Variants in CELSR1 observed in about 807,000 individuals in gnomAD.
The protein encoded by CELSR1 is cadherin EGF LAG seven-pass G-type receptor 1.
CELSR1 carries 110 observed loss-of-function variants against 249.1 expected under a neutral mutation model. That is an observed-to-expected ratio of 0.44 (90% confidence interval 0.38 to 0.52). CELSR1 has a LOEUF of 0.52. CELSR1 is among the 20% of genes least tolerant of loss of function. The probability of loss-of-function intolerance (pLI) is 0.00; values close to 1 mark genes in which losing one functional copy is unlikely to be tolerated. For missense variants in CELSR1, 4,109 were observed against 4,296.4 expected, an observed-to-expected ratio of 0.96 and a Z score of 1.22; for synonymous variants, 2,113 against 1,900.0, an observed-to-expected ratio of 1.11 and a Z score of -2.92.
chr22:46,489,294 G>C (rs2080345406), intron 1 of CELSR1, among the ~76,000 whole-genome samples: 1 of 151,866 alleles, frequency 6.6e-6, no homozygotes. Context: ...GTGGGGCAGG[G>C]AGATGCCATG....
At chr22:46,379,543 G>A (rs182247228) in intron 22 of CELSR1, among the ~76,000 whole-genome samples, 87 of 152,350 alleles carry the variant, frequency 5.7e-4, no homozygotes, top group Non-Finnish European at 8.8e-4. Context: ...GACGTCCGTC[G>A]TGGTGGAATG....
At chr22:46,501,099 T>C (rs2080461814) in intron 1 of CELSR1, among the ~76,000 whole-genome samples, 1 of 151,950 alleles carries the variant, frequency 6.6e-6, no homozygotes, top group Admixed American at 6.6e-5. Context: ...AATGGCATGA[T>C]CTCAGCTCAC....
At chr22:46,531,624 A>G (rs1375785067) in intron 1 of CELSR1, among the ~76,000 whole-genome samples, 1 of 152,174 alleles carries the variant, frequency 6.6e-6, no homozygotes, top group Non-Finnish European at 1.5e-5. Flanking sequence ...CTTTCTGCGG[A>G]TCGTGGTTTA....
rs2079549710 is a variant in CELSR1 at position 46,427,542 on chromosome 22, T to G, written c.4611+5851A>C. On this transcript the variant is annotated intron_variant, in intron 5 of 34. Coordinates refer to ENST00000674500, the MANE Select transcript of CELSR1 (RefSeq NM_001378328.1). This position sits in a 1 kb window ranked among gnomAD's most constrained non-coding sequence, Gnocchi z 4.2. ...GCGGGACTCCATCTCAAAAATAAAA[T>G]AAATAAAATACACCCTACAACTATG... Among the ~76,000 whole-genome samples, 1 of 151,984 alleles carries G rather than the reference T, an allele frequency of 6.6e-6. No homozygotes were observed. Among genetic ancestry groups the G allele is most frequent in the Non-Finnish European group, 1.5e-5 (1 of 68,002 alleles).
Position 46,519,872 on chromosome 22 carries a change from CT to C in CELSR1, c.3544+13754del, listed in dbSNP as rs369906485. On this transcript the variant is annotated intron_variant, in intron 1 of 34. Coordinates refer to ENST00000674500, the MANE Select transcript of CELSR1 (RefSeq NM_001378328.1). ...TATAGTTCAGTACCTACCCCTATTG[CT>C]TTTTTTTTTTTTTTTCTGAGACAGA... is the stretch of plus-strand genomic sequence containing the variant. Among the ~76,000 whole-genome samples the C allele has an allele frequency of 8.5e-3, 1,177 of 138,780 alleles. 6 individuals are homozygous for C. Among genetic ancestry groups the C allele is most frequent in the Non-Finnish European group, 0.013 (830 of 64,360 alleles). 91.0% of individuals were successfully genotyped at this position (138,780 alleles called of 152,430 possible). A position where few individuals can be genotyped will look rare whatever the true frequency, so the allele number is the denominator to read the frequency against.
rs575365955 is a variant in CELSR1, at chr22:46,436,697, G to C, written c.4407-408C>G. ...GGGACCTGGTACCTTCCCAGGCAGG[G>C]ATGATGCTATGGAAGGACCATTCTT... On this transcript the variant is annotated intron_variant, in intron 3 of 34. Coordinates refer to ENST00000674500, the MANE Select transcript of CELSR1 (RefSeq NM_001378328.1). This position sits in a 1 kb window ranked among gnomAD's most constrained non-coding sequence, Gnocchi z 5.9. Among the ~76,000 whole-genome samples the C allele has an allele frequency of 1.8e-4, 28 of 152,200 alleles. No individual in the cohort carries two copies. The highest frequency in any genetic ancestry group is 6.7e-4 in the African/African-American group (28 of 41,510).
intron 1 of CELSR1, among the ~76,000 whole-genome samples, chr22:46,465,688 T>C (rs1387151737): frequency 6.6e-6 from 1 of 152,228 alleles, no homozygotes; most frequent in African/African-American, 2.4e-5. Context: ...GGGAGGGACC[T>C]GGAGTCAGGT....
intron 1 of CELSR1, among the ~76,000 whole-genome samples, chr22:46,497,236 ATTAT>A (rs897064522): frequency 1.3e-5 from 2 of 152,242 alleles, no homozygotes; most frequent in Admixed American, 6.5e-5. Context: ...GAAAGCACTT[ATTAT>A]TTAATCATTT....
rs973064496 is a variant in CELSR1 at position 46,393,378 on chromosome 22, C to T, written c.5964+764G>A. ...CTGACCGCCCTGGACAGGCGTGGGG[C>T]ATAACGCACTTAGTGACACTTTCTA... is the stretch of plus-strand genomic sequence containing the variant. On this transcript the variant is annotated intron_variant, in intron 14 of 34. Coordinates refer to ENST00000674500, the MANE Select transcript of CELSR1 (RefSeq NM_001378328.1). The surrounding 1 kb of genome is among the most constrained non-coding windows in gnomAD (Gnocchi z 4.1). 1.3e-5 allele frequency among the ~76,000 whole-genome samples: 2 copies of T among 152,226 alleles called. No homozygotes were observed. Among genetic ancestry groups the T allele is most frequent in the Non-Finnish European group, 2.9e-5 (2 of 68,034 alleles).
Position 46,390,246 on chromosome 22 carries a change from G to A in CELSR1, c.6345+146C>T, listed in dbSNP as rs2079074610. 1.6e-6 allele frequency: 1 copy of A among 608,644 alleles called. No homozygotes were observed. The highest frequency in any genetic ancestry group is 4.5e-4 in the Middle Eastern group (1 of 2,220). The allele number at this position is 608,644 out of a possible 1,614,324, so 37.7% of individuals were successfully genotyped here. ...AGTCCACAGGAACCTGCTGGCTCCA[G>A]GCTGCGGGCCCGTGGGGCTGTCCCT... On this transcript the variant is annotated intron_variant, in intron 17 of 34. Transcript: ENST00000674500. This position sits in a 1 kb window ranked among gnomAD's most constrained non-coding sequence, Gnocchi z 6.3.
At position 46,412,361 on chromosome 22, in the gene CELSR1, G is replaced by C. The variant is rs375136693; in HGVS notation, c.4612-602C>G. Among the ~76,000 whole-genome samples the C allele has an allele frequency of 2.0e-5, 3 of 152,238 alleles. No homozygotes were observed. Among genetic ancestry groups the C allele is most frequent in the South Asian group, 2.1e-4 (1 of 4,822 alleles). ...AGTTGCAGCCAACACCCAAGTCCTG[G>C]GGCCCCTCCTGTGAACACCCGCTTC... On this transcript the variant is annotated intron_variant, in intron 5 of 34. Transcript: ENST00000674500. This position sits in a 1 kb window ranked among gnomAD's most constrained non-coding sequence, Gnocchi z 4.5.
chr22:46,496,588 C>CT (rs2080416323), intron 1 of CELSR1, among the ~76,000 whole-genome samples: 1 of 151,660 alleles, frequency 6.6e-6, no homozygotes, highest in African/African-American at 2.4e-5. Context: ...TATATTTTTT[C>CT]TTTCTTTATA....
At position 46,364,217 on chromosome 22, in the gene CELSR1, C is replaced by CGGCG. The variant is rs900075910; in HGVS notation, c.8810_8813dup (p.Leu2939AlafsTer21). The CGGCG allele has an allele frequency of 1.2e-6, 2 of 1,610,732 alleles. No homozygotes were observed. The highest frequency in any genetic ancestry group is 2.7e-5 in the African/African-American group (2 of 74,832). On this transcript the variant is annotated frameshift_variant, in exon 34 of 35. Coordinates refer to ENST00000674500, the MANE Select transcript of CELSR1 (RefSeq NM_001378328.1). LOFTEE classifies it high-confidence loss of function. ...TCAGCGTCTGCTCCGTCAGCGTCAG[C>CGGCG]GGCGGCGGGTAGGTGACTTTATTTT...
In CELSR1 at chr22:46,398,396, C is replaced by A. The variant is rs935147641; in HGVS notation, c.5526+128G>T. 5 of 631,770 alleles carry A rather than the reference C, an allele frequency of 7.9e-6. No homozygotes were observed. The South Asian group carries it at 1.0e-4, about 13-fold the overall frequency. 39.1% of individuals were successfully genotyped at this position (631,770 alleles called of 1,614,324 possible). The stretch of plus-strand genomic sequence containing the variant: ...AACAGGAGCTGTTAAAGTGGGGATG[C>A]CTGTCAGACAAATTCTTCACTCGTT... On this transcript the variant is annotated intron_variant, in intron 11 of 34. Transcript: ENST00000674500. This position sits in a 1 kb window ranked among gnomAD's most constrained non-coding sequence, Gnocchi z 7.2.
chr22:46,450,164 G>A (rs62227025), intron 2 of CELSR1, among the ~76,000 whole-genome samples: 1 of 152,358 alleles, frequency 6.6e-6, no homozygotes, highest in African/African-American at 2.4e-5. Context: ...TCCACTGCCA[G>A]TCAGGACCCT....
At chr22:46,386,052 C>T (rs2079030372) in intron 19 of CELSR1, among the ~76,000 whole-genome samples, 1 of 151,622 alleles carries the variant, frequency 6.6e-6, no homozygotes, top group Admixed American at 6.6e-5. Flanking sequence ...TCACTGCAAC[C>T]TCTGCCTCCC....
Position 46,396,684 on chromosome 22 carries a change from A to G in CELSR1, c.5764T>C (p.Cys1922Arg). 6.2e-7 allele frequency: 1 copy of G among 1,612,876 alleles called. No individual in the cohort carries two copies. Among genetic ancestry groups the G allele is most frequent in the South Asian group, 1.1e-5 (1 of 90,848 alleles). The change falls in exon 13 of 35, where the codon TGC becomes CGC. Residue 1922 changes from cysteine to arginine, a missense_variant. Physicochemically the swap from Cys to Arg is radical, Grantham distance 180. This residue lies in a region of CELSR1 where 1,805 missense variants were observed against 1,831.6 expected (regional missense o/e 0.99). Transcript: ENST00000674500. This position sits in a 1 kb window ranked among gnomAD's most constrained non-coding sequence, Gnocchi z 6.4. Reference protein sequence around the residue: ...HLNPCENMGACVRSPGSPQGY... With the variant: ...HLNPCENMGARVRSPGSPQGY... ...TGCGGGGAGCCGGGGGAGCGCACGC[A>G]GGCCCCCATGTTCTCGCAGGGGTTC...
At chr22:46,480,373 C>T (rs555353667) in intron 1 of CELSR1, among the ~76,000 whole-genome samples, 14 of 152,246 alleles carry the variant, frequency 9.2e-5, no homozygotes, top group Non-Finnish European at 1.9e-4. Flanking sequence ...TCCTGATGAC[C>T]AGAAATGGGG....
chr22:46,459,287 G>A (rs997929089), intron 2 of CELSR1, among the ~76,000 whole-genome samples: 2 of 152,136 alleles, frequency 1.3e-5, no homozygotes, highest in Non-Finnish European at 2.9e-5. Flanking sequence ...CCTAAGGCCA[G>A]TCCTGATTTA....
Sources: allele counts gnomAD v4.1 joint callset (sites outside exome capture counted in the v4.1 genomes callset), GRCh38; gene constraint gnomAD v4.1.1; regional missense constraint gnomAD v4.1.1; non-coding constraint Gnocchi (gnomAD v3.1); transcripts MANE v1.5; gene names NCBI Gene and HGNC (gene_info 2026-07-23, HGNC 2026-07-21).